Variants in TKT observed in about 807,000 individuals in gnomAD.
The protein encoded by TKT is epididymis luminal protein 107.
In TKT, 47 loss-of-function variants were observed where a neutral mutation model predicts 63.9. The ratio of observed to expected loss-of-function variants is 0.74; its 90% confidence interval spans 0.58 to 0.94. TKT has a LOEUF of 0.94. Ranked by LOEUF, TKT falls within the 40% of genes least tolerant of loss-of-function variation. TKT has a pLI of 0.00. For missense variants in TKT, 721 were observed against 846.2 expected, an observed-to-expected ratio of 0.85 and a Z score of 1.84; for synonymous variants, 338 against 334.1, an observed-to-expected ratio of 1.01 and a Z score of -0.13.
At chr3:53,249,579 T>C (rs1179906823) in intron 1 of TKT, among the ~76,000 whole-genome samples, 1 of 152,140 alleles carries the variant, frequency 6.6e-6, no homozygotes, top group Non-Finnish European at 1.5e-5. Context: ...AGCGAGACTC[T>C]GTCAAACAAA....
At chr3:53,227,077 A>T in intron 12 of TKT, 199 bp from the exon 13 acceptor site, 2 of 621,370 alleles carry the variant, frequency 3.2e-6, no homozygotes, top group Non-Finnish European at 5.4e-6. Context: ...GCACTGGGGC[A>T]TCTGGTCCAG....
intron 4 of TKT, 48 bp downstream of exon 4, chr3:53,240,203 C>T (rs782591360): frequency 3.8e-6 from 6 of 1,576,868 alleles, no homozygotes; most frequent in East Asian, 2.3e-5. Context: ...CACCCAAGGA[C>T]CACTCCCCAA....
At position 53,231,541 on chromosome 3, in the gene TKT, T is replaced by C; in HGVS notation, c.758A>G (p.Asp253Gly). 1 of 1,613,724 alleles carries C rather than the reference T, an allele frequency of 6.2e-7. No homozygotes were observed. The highest frequency in any genetic ancestry group is 8.5e-7 in the Non-Finnish European group (1 of 1,179,850). The change falls in exon 7 of 14, where the codon GAT becomes GGT. Residue 253 changes from aspartate to glycine, a missense_variant. Asp to Gly is a moderately conservative substitution (Grantham distance 94, BLOSUM62 -1). Coordinates refer to ENST00000462138, the MANE Select transcript of TKT (RefSeq NM_001064.4). Reference sequence around the variant, plus strand: ...GGGCTTCCCATGCCAAGACTCCTTATCTTCTACCCCTGCAGACCCAACACG... The same window carrying C: ...GGGCTTCCCATGCCAAGACTCCTTACCTTCTACCCCTGCAGACCCAACACG... Reference protein sequence around the residue: ...FKGRGITGVEDKESWHGKPLP... With the variant: ...FKGRGITGVEGKESWHGKPLP...
chr3:53,256,009 A>C lies in TKT; in HGVS notation c.-67T>G. The C allele has an allele frequency of 9.5e-7, 1 of 1,050,620 alleles. No individual in the cohort carries two copies. The highest frequency in any genetic ancestry group is 2.4e-5 in the South Asian group (1 of 41,704). The allele number at this position is 1,050,620 out of a possible 1,614,324, so 65.1% of individuals were successfully genotyped here. On this transcript the variant is annotated 5_prime_UTR_variant, in exon 1 of 14. Transcript: ENST00000462138. ...AGATAGCGGCTGCTCCCGCGGCGAC[A>C]GGCGGCTGCCGAGGCCGGGCGCGGG... is the stretch of plus-strand genomic sequence containing the variant.
intron 13 of TKT, 71 bp downstream of exon 13, chr3:53,226,685 A>G (rs1704510310): frequency 6.2e-7 from 1 of 1,607,746 alleles, no homozygotes; most frequent in Non-Finnish European, 8.5e-7. Context: ...GCTCAGATAG[A>G]AGAGGCACGT....
chr3:53,227,745 G>C, intron 12 of TKT: 1 of 316,590 alleles, frequency 3.2e-6, no homozygotes, highest in Non-Finnish European at 6.0e-6. Context: ...CTTAACTAGT[G>C]CCTGGCTGAG....
chr3:53,236,689 C>T (rs142121413), intron 4 of TKT, among the ~76,000 whole-genome samples: 2 of 152,324 alleles, frequency 1.3e-5, no homozygotes, highest in Admixed American at 6.5e-5. Flanking sequence ...ACCCCAAGCC[C>T]ACACCCACTT....
At chr3:53,253,773 A>AT (rs1400069437) in intron 1 of TKT, among the ~76,000 whole-genome samples, 2 of 150,510 alleles carry the variant, frequency 1.3e-5, no homozygotes, top group African/African-American at 4.9e-5. Flanking sequence ...CAAAAAAAAA[A>AT]TTTTTTTTTT....
chr3:53,231,566 G>T lies in TKT; in HGVS notation c.749-16C>A. ...TCTTCTACCCCTGCAGACCCAACACGGGAGGACAGAGGAATGGGTAAGACA... is the reference window on the plus strand; with the variant it reads ...TCTTCTACCCCTGCAGACCCAACACTGGAGGACAGAGGAATGGGTAAGACA... On this transcript the variant is annotated splice_polypyrimidine_tract_variant and intron_variant, in intron 6 of 13. Coordinates refer to ENST00000462138, the MANE Select transcript of TKT (RefSeq NM_001064.4). 6.2e-7 allele frequency: 1 copy of T among 1,609,116 alleles called. No individual in the cohort carries two copies. Among genetic ancestry groups the T allele is most frequent in the Non-Finnish European group, 8.5e-7 (1 of 1,177,084 alleles).
At chr3:53,230,729 A>C (rs1704717246) in intron 7 of TKT, 108 bp from the exon 8 acceptor site, 2 of 1,340,788 alleles carry the variant, frequency 1.5e-6, no homozygotes, top group South Asian at 2.7e-5. Context: ...CAAAAATGGA[A>C]GCCCTGGAGC....
chr3:53,229,180 C>G (rs1553676329), intron 9 of TKT, 43 bp from the exon 10 acceptor site: 2 of 1,613,604 alleles, frequency 1.2e-6, no homozygotes, highest in Admixed American at 3.3e-5. Flanking sequence ...AGACCCCTAC[C>G]CCCCCATCCA....
At chr3:53,227,675 G>T in intron 12 of TKT, 1 of 211,846 alleles carries the variant, frequency 4.7e-6, no homozygotes. Context: ...AGGGCAAGGG[G>T]CTAGTATCTC....
chr3:53,251,579 G>A (rs782244590), intron 1 of TKT, among the ~76,000 whole-genome samples: 11 of 152,324 alleles, frequency 7.2e-5, no homozygotes, highest in East Asian at 1.9e-4. Flanking sequence ...CACTGCACAC[G>A]GGTCAGCAAT....
At chr3:53,228,013 A>G (rs782780428) in intron 12 of TKT, 43 bp downstream of exon 12, 6 of 1,556,386 alleles carry the variant, frequency 3.9e-6, no homozygotes, top group South Asian at 3.4e-5. Context: ...CCTAGCATGC[A>G]GTGGCCGCTC....
Position 53,228,345 on chromosome 3 carries a change from G to A in TKT, c.1410C>T (p.Ile470=), listed in dbSNP as rs558305782. The A allele has an allele frequency of 2.7e-5, 43 of 1,614,088 alleles. No homozygotes were observed. Among genetic ancestry groups the A allele is most frequent in the Non-Finnish European group, 3.4e-5 (40 of 1,180,014 alleles). Residue 470 remains isoleucine, a synonymous_variant, in exon 11 of 14, where the codon ATC becomes ATT. Coordinates refer to ENST00000462138, the MANE Select transcript of TKT (RefSeq NM_001064.4). ...LAANTKGICF[I]RTSRPENAII... is the part of the protein sequence containing the mutation. ...TGGCATTTTCTGGGCGGCTGGTCCG[G>A]ATGAAGCAGATACCCTGAGACCGAA...
At position 53,240,277 on chromosome 3, in the gene TKT, G is replaced by C; in HGVS notation, c.411C>G (p.Tyr137Ter). Residue 137 changes from tyrosine (Y) to a stop codon, truncating the protein, a stop_gained, in exon 4 of 14, where the codon TAC (tyrosine) becomes TAG (stop). Coordinates refer to ENST00000462138, the MANE Select transcript of TKT (RefSeq NM_001064.4). LOFTEE classifies it high-confidence loss of function. ...TGGCCTTGTCGAAGTATTTGCCGGT[G>C]TAGGCCATCCCACAAGCGGCCCCGA... ...QGLGAACGMA[Y>*]TGKYFDKASY... The C allele has an allele frequency of 1.2e-6, 2 of 1,613,526 alleles. No individual in the cohort carries two copies. Among genetic ancestry groups the C allele is most frequent in the Non-Finnish European group, 1.7e-6 (2 of 1,179,622 alleles).
At chr3:53,247,505 C>T (rs1705567826) in intron 1 of TKT, among the ~76,000 whole-genome samples, 2 of 150,224 alleles carry the variant, frequency 1.3e-5, no homozygotes, top group Admixed American at 1.3e-4. Flanking sequence ...CATGGTGGTG[C>T]GGGCCACTAG....
chr3:53,245,323 A>G (rs1553680723), intron 1 of TKT, among the ~76,000 whole-genome samples: 4 of 142,710 alleles, frequency 2.8e-5, no homozygotes, highest in Non-Finnish European at 3.0e-5. Context: ...AAAAAAAAAA[A>G]AGCCCCCTCT....
At chr3:53,232,817 G>C (rs1240435883) in intron 6 of TKT, 22 of 408,310 alleles carry the variant, frequency 5.4e-5, no homozygotes, top group Non-Finnish European at 9.5e-5. Flanking sequence ...GCCGGAGCTG[G>C]CAGAGCACAC....
Sources: allele counts gnomAD v4.1 joint callset (sites outside exome capture counted in the v4.1 genomes callset), GRCh38; gene constraint gnomAD v4.1.1; transcripts MANE v1.5; gene names NCBI Gene and HGNC (gene_info 2026-07-23, HGNC 2026-07-21).